ESRRG: variants seen among roughly 807,000 people sequenced by gnomAD.
ESRRG encodes the protein estrogen-related receptor gamma.
Under a neutral mutation model 44.0 loss-of-function variants are expected in ESRRG, and 13 were observed. That is an observed-to-expected ratio of 0.30 (90% CI 0.19 to 0.47). The LOEUF is 0.47. Among genes scored for constraint, ESRRG ranks in the 20% least tolerant of loss-of-function variants. ESRRG has a pLI of 1.00. For missense variants in ESRRG, 395 were observed against 580.6 expected, an observed-to-expected ratio of 0.68 and a Z score of 3.29; for synonymous variants, 215 against 214.6, an observed-to-expected ratio of 1.00 and a Z score of -0.02.
intron 3 of ESRRG, among the ~76,000 whole-genome samples, chr1:216,595,461 G>T: frequency 6.6e-6 from 1 of 152,074 alleles, no homozygotes; most frequent in East Asian, 1.9e-4. Flanking sequence ...TGAGAAACAT[G>T]CACAAAAAGA....
intron 2 of ESRRG, among the ~76,000 whole-genome samples, chr1:216,812,994 A>C (rs1484703511): frequency 1.3e-5 from 2 of 152,210 alleles, no homozygotes; most frequent in Non-Finnish European, 2.9e-5. Context: ...CATGATGTTA[A>C]CTGAGACAAA....
In ESRRG at chr1:216,772,414, C is replaced by A. The variant is rs76636201; in HGVS notation, c.-13-94923G>T. ...TGCACATGACAAGTTTGGGAAGATT[C>A]CTCAATTCCACAGCCTTTTAAAAAC... is the stretch of plus-strand genomic sequence containing the variant. On this transcript the variant is annotated intron_variant, in intron 2 of 7. Coordinates refer to the ESRRG transcript ENST00000359162. Among the ~76,000 whole-genome samples, 1,089 of 152,170 alleles carry A rather than the reference C, an allele frequency of 7.2e-3. 52 individuals carry two copies. In the East Asian group the frequency reaches 0.13, roughly 18 times the overall value.
At chr1:217,112,886 T>A (rs998144772) in intron 1 of ESRRG, among the ~76,000 whole-genome samples, 2 of 152,202 alleles carry the variant, frequency 1.3e-5, no homozygotes, top group Admixed American at 6.5e-5. Context: ...TCTCTGTGAA[T>A]CAAGAGAATG....
intron 3 of ESRRG, among the ~76,000 whole-genome samples, chr1:216,585,863 A>T (rs2063668466): frequency 6.6e-6 from 1 of 152,072 alleles, no homozygotes; most frequent in Admixed American, 6.6e-5. Context: ...ACATGGTGAA[A>T]CCCCATCTCT....
intron 2 of ESRRG, among the ~76,000 whole-genome samples, chr1:216,899,344 A>G (rs2058793724): frequency 6.6e-6 from 1 of 152,264 alleles, no homozygotes; most frequent in East Asian, 1.9e-4. Context: ...ATTCTTTCAT[A>G]TCATTGAGAA....
intron 6 of ESRRG, among the ~76,000 whole-genome samples, chr1:216,516,636 TACACAC>T (rs779496209): frequency 8.4e-5 from 11 of 130,376 alleles, no homozygotes; most frequent in Admixed American, 1.6e-4. Flanking sequence ...CACACACACA[TACACAC>T]ACACACACAC....
intron 2 of ESRRG, among the ~76,000 whole-genome samples, chr1:216,907,395 A>G (rs1420177270): frequency 1.3e-5 from 2 of 152,184 alleles, no homozygotes; most frequent in African/African-American, 4.8e-5. Context: ...TGTTTTATCA[A>G]CCTGCACAGC....
At chr1:216,580,870 G>A (rs1402516319) in intron 3 of ESRRG, among the ~76,000 whole-genome samples, 1 of 152,176 alleles carries the variant, frequency 6.6e-6, no homozygotes, top group African/African-American at 2.4e-5. Context: ...TTCTGGCACA[G>A]GTTTTAGCGT....
chr1:216,613,379 C>T (rs1434291645), intron 3 of ESRRG, among the ~76,000 whole-genome samples: 4 of 152,074 alleles, frequency 2.6e-5, no homozygotes, highest in South Asian at 4.1e-4. Flanking sequence ...TTTTAAAGCG[C>T]CAAACACAGA....
chr1:217,128,951 A>C (rs938151484), intron 1 of ESRRG, among the ~76,000 whole-genome samples: 18 of 152,192 alleles, frequency 1.2e-4, no homozygotes, highest in African/African-American at 4.1e-4. Flanking sequence ...AGCCTGGGCA[A>C]CATAATGAGA....
chr1:216,931,867 T>C (rs1163042039), intron 2 of ESRRG, among the ~76,000 whole-genome samples: 4 of 149,804 alleles, frequency 2.7e-5, no homozygotes, highest in African/African-American at 9.8e-5. Flanking sequence ...ATAAATACAT[T>C]TGACTTCTTT....
intron 2 of ESRRG, among the ~76,000 whole-genome samples, chr1:216,891,215 C>T (rs1214773436): frequency 6.6e-6 from 1 of 152,166 alleles, no homozygotes; most frequent in African/African-American, 2.4e-5. Context: ...ATAAAATGCT[C>T]CACTGTTATC....
At chr1:216,905,797 G>T (rs1053792847) in intron 2 of ESRRG, among the ~76,000 whole-genome samples, 2 of 152,170 alleles carry the variant, frequency 1.3e-5, no homozygotes, top group Admixed American at 6.5e-5. Flanking sequence ...AGGCTTGAGT[G>T]CAGTGGAGCA....
At chr1:216,965,824 A>G (rs1015527651) in intron 1 of ESRRG, among the ~76,000 whole-genome samples, 2 of 152,212 alleles carry the variant, frequency 1.3e-5, no homozygotes, top group Non-Finnish European at 2.9e-5. Context: ...TCATGTTGCC[A>G]TGGTCTGGTG....
chr1:216,808,323 CA>C (rs1201797591), intron 2 of ESRRG, among the ~76,000 whole-genome samples: 1 of 152,124 alleles, frequency 6.6e-6, no homozygotes, highest in Non-Finnish European at 1.5e-5. Context: ...AAGGACAAGA[CA>C]AAATCCATGT....
At chr1:216,766,582 T>TA (rs34228926) in intron 2 of ESRRG, among the ~76,000 whole-genome samples, 337 of 147,376 alleles carry the variant, frequency 2.3e-3, no homozygotes, top group Non-Finnish European at 2.8e-3. Context: ...GTTTCAGTGC[T>TA]AAAAAAAAAA....
intron 2 of ESRRG, among the ~76,000 whole-genome samples, chr1:216,792,317 T>C (rs2094343633): frequency 3.3e-5 from 5 of 152,270 alleles, no homozygotes; most frequent in South Asian, 4.1e-4. Context: ...AGTCTAAGCA[T>C]AAGTACAGTA....
At chr1:216,848,164 G>T (rs966678848) in intron 2 of ESRRG, among the ~76,000 whole-genome samples, 4 of 152,022 alleles carry the variant, frequency 2.6e-5, no homozygotes, top group African/African-American at 9.7e-5. Context: ...TGACTGAGAA[G>T]GACCTAGAAT....
Position 216,937,461 on chromosome 1 carries a change from C to T in ESRRG, c.-14+2121G>A, listed in dbSNP as rs115999435. 4.8e-3 allele frequency among the ~76,000 whole-genome samples: 732 copies of T among 152,306 alleles called. 1 individual carries two copies. Among genetic ancestry groups the T allele is most frequent in the Non-Finnish European group, 7.6e-3 (518 of 68,028 alleles). On this transcript the variant is annotated intron_variant, in intron 2 of 7. Transcript: ENST00000359162. ...TAGTCAGAAAGGTTTGAATTAGTTA[C>T]TAGAGCTCTGCCTCCTGTGAATAAA...
Sources: allele counts gnomAD v4.1 joint callset (sites outside exome capture counted in the v4.1 genomes callset), GRCh38; gene constraint gnomAD v4.1.1; transcripts MANE v1.5; gene names NCBI Gene and HGNC (gene_info 2026-07-23, HGNC 2026-07-21).